CSNK2A1: variants seen among roughly 807,000 people sequenced by gnomAD.
CSNK2A1 encodes the protein casein kinase II subunit alpha.
In CSNK2A1, 10 loss-of-function variants were observed where a neutral mutation model predicts 62.9. The observed-to-expected ratio is 0.16, with a 90% CI of 0.10 to 0.27. The LOEUF (loss-of-function observed/expected upper bound fraction) is 0.27, where lower values mean the gene tolerates loss of function less well. Among genes scored for constraint, CSNK2A1 ranks in the 10% least tolerant of loss-of-function variants. The probability of loss-of-function intolerance (pLI) is 1.00; values close to 1 mark genes in which losing one functional copy is unlikely to be tolerated. For missense variants in CSNK2A1, 160 were observed against 492.0 expected, an observed-to-expected ratio of 0.33 and a Z score of 6.38; for synonymous variants, 124 against 167.8, an observed-to-expected ratio of 0.74 and a Z score of 2.02.
intron 2 of CSNK2A1, among the ~76,000 whole-genome samples, chr20:512,490 C>G (rs1568538206): frequency 6.6e-6 from 1 of 152,174 alleles, no homozygotes; most frequent in Admixed American, 6.5e-5. Context: ...AGCTACCACA[C>G]CCAAAGAGAA....
intron 2 of CSNK2A1, among the ~76,000 whole-genome samples, chr20:520,284 AAAT>A (rs1351683979): frequency 6.6e-6 from 1 of 152,184 alleles, no homozygotes; most frequent in Non-Finnish European, 1.5e-5. Context: ...CAATTCTGAA[AAAT>A]AATAAAGCTG....
At chr20:537,771 G>A (rs746609845) in intron 1 of CSNK2A1, among the ~76,000 whole-genome samples, 3 of 152,192 alleles carry the variant, frequency 2.0e-5, no homozygotes, top group Admixed American at 6.5e-5. Flanking sequence ...GGTTACCCAC[G>A]AATTGTGACA....
chr20:480,944 C>A lies in CSNK2A1; in HGVS notation c.*3017G>T, dbSNP rs2017944895. On this transcript the variant is annotated 3_prime_UTR_variant, in exon 14 of 14. Coordinates refer to ENST00000217244, the MANE Select transcript of CSNK2A1 (RefSeq NM_177559.3). ...AGCCATACCCTGAGGATCTACTTTACAAGATATATTCCTCTGACAGTCCCA... is the reference window on the plus strand; with the variant it reads ...AGCCATACCCTGAGGATCTACTTTAAAAGATATATTCCTCTGACAGTCCCA... 1 of 152,226 alleles carries A rather than the reference C, an allele frequency of 6.6e-6. No individual in the cohort carries two copies. The highest frequency in any genetic ancestry group is 2.1e-4 in the South Asian group (1 of 4,834). The allele number at this position is 152,226 out of a possible 1,614,324, so 9.4% of individuals were successfully genotyped here. A position where few individuals can be genotyped will look rare whatever the true frequency, so the allele number is the denominator to read the frequency against.
rs1179039130 is a variant in CSNK2A1, at chr20:473,231, C to T, written c.*10730G>A. 6.6e-6 allele frequency: 1 copy of T among 152,400 alleles called. No homozygotes were observed. The highest frequency in any genetic ancestry group is 2.4e-5 in the African/African-American group (1 of 41,446). 9.4% of individuals were successfully genotyped at this position (152,400 alleles called of 1,614,324 possible). ...CTTCTTCCCATACTCTTGTCTCTCT[C>T]CTGTAACATTTTTACTTCTAACTCA... On this transcript the variant is annotated 3_prime_UTR_variant, in exon 14 of 14. Transcript: ENST00000217244.
intron 13 of CSNK2A1, among the ~76,000 whole-genome samples, chr20:485,085 AAAAAAAAAAAAAAAAAAAAAAAAAAT>A (rs1248517178): frequency 5.6e-5 from 2 of 35,902 alleles, no homozygotes; most frequent in African/African-American, 2.0e-4. Context: ...AAAAAAAAAA[AAAAAAAAAAAAAAAAAAAAAAAAAAT>A]ATATATATAT....
intron 1 of CSNK2A1, among the ~76,000 whole-genome samples, chr20:535,034 C>CAAAAAAAAA (rs11469217): frequency 2.0e-5 from 1 of 50,756 alleles, no homozygotes; most frequent in East Asian, 6.5e-4. Context: ...TGCTATCTCC[C>CAAAAAAAAA]AAAAAAAAAA....
chr20:534,413 C>T (rs1050572127), intron 1 of CSNK2A1, among the ~76,000 whole-genome samples: 1 of 152,106 alleles, frequency 6.6e-6, no homozygotes, highest in Non-Finnish European at 1.5e-5. Context: ...ATGGGCTGGC[C>T]ACCAGGCCAC....
At chr20:531,739 T>C (rs1354458248) in intron 1 of CSNK2A1, among the ~76,000 whole-genome samples, 1 of 152,236 alleles carries the variant, frequency 6.6e-6, no homozygotes, top group African/African-American at 2.4e-5. Context: ...ATGCCATTCT[T>C]TCCTGAAGGA....
intron 1 of CSNK2A1, chr20:540,718 G>A (rs894981668): frequency 1.3e-5 from 2 of 152,056 alleles, no homozygotes; most frequent in Non-Finnish European, 2.9e-5. Flanking sequence ...TTCATTTTTA[G>A]GTAATAGTAC....
intron 2 of CSNK2A1, among the ~76,000 whole-genome samples, chr20:518,886 A>T (rs532620396): frequency 3.8e-4 from 57 of 151,628 alleles, no homozygotes; most frequent in South Asian, 1.5e-3. Context: ...ATGTCCTAGC[A>T]GATCTCAAAA....
At position 503,077 on chromosome 20, in the gene CSNK2A1, A is replaced by G. The variant is rs115024959; in HGVS notation, c.213+2041T>C. ...TTCTATCATATACCTTTCCATATGA[A>G]TATCACCATACAATCACAAAGAACT... is the stretch of plus-strand genomic sequence containing the variant. On this transcript the variant is annotated intron_variant, in intron 4 of 13. Transcript: ENST00000217244. The G allele has an allele frequency of 6.7e-3, 1,069 of 159,798 alleles. 12 individuals carry two copies. The highest frequency in any genetic ancestry group is 0.024 in the African/African-American group (1,006 of 41,980). 9.9% of individuals were successfully genotyped at this position (159,798 alleles called of 1,614,324 possible).
At chr20:542,528 G>A (rs183477430) in intron 1 of CSNK2A1, among the ~76,000 whole-genome samples, 85 of 152,308 alleles carry the variant, frequency 5.6e-4, no homozygotes, top group African/African-American at 1.6e-3. Context: ...CGCCTCCCAG[G>A]TTCAAGCGAT....
chr20:485,092 A>T lies in CSNK2A1; in HGVS notation c.1061-1016T>A, dbSNP rs2018050819. ...AAAAAAAAAAAAAAAAAAAAAAAAA[A>T]AAAAAAAAAAAAAAAAAATATATAT... On this transcript the variant is annotated intron_variant, in intron 13 of 13. Coordinates refer to ENST00000217244, the MANE Select transcript of CSNK2A1 (RefSeq NM_177559.3). Among the ~76,000 whole-genome samples, 8 of 44,546 alleles carry T rather than the reference A, an allele frequency of 1.8e-4. 1 individual carries two copies. The highest frequency in any genetic ancestry group is 5.3e-4 in the African/African-American group (7 of 13,152). The allele number at this position is 44,546 out of a possible 152,430, so 29.2% of individuals were successfully genotyped here.
rs2017837669 is a variant in CSNK2A1, at chr20:475,780, C to A, written c.*8181G>T. The A allele has an allele frequency of 6.6e-6, 1 of 152,178 alleles. No homozygotes were observed. Among genetic ancestry groups the A allele is most frequent in the African/African-American group, 2.4e-5 (1 of 41,436 alleles). The allele number at this position is 152,178 out of a possible 1,614,324, so 9.4% of individuals were successfully genotyped here. On this transcript the variant is annotated 3_prime_UTR_variant, in exon 14 of 14. Transcript: ENST00000217244. ...GGCTTGAAATGTGCTTGTGTGATTC[C>A]ATTTGGTCTCTTCTAAGTTTCTGTG...
rs1371662677 is a variant in CSNK2A1, at chr20:474,747, CTCT to C, written c.*9211_*9213del. On this transcript the variant is annotated 3_prime_UTR_variant, in exon 14 of 14. Coordinates refer to ENST00000217244, the MANE Select transcript of CSNK2A1 (RefSeq NM_177559.3). ...CACATGCCAGCATTTCCCATCACTC[CTCT>C]TTCCATTGTCATCATACTGTAATCC... 1 of 152,186 alleles carries C rather than the reference CTCT, an allele frequency of 6.6e-6. No individual in the cohort carries two copies. Among genetic ancestry groups the C allele is most frequent in the African/African-American group, 2.4e-5 (1 of 41,438 alleles). The allele number at this position is 152,186 out of a possible 1,614,324, so 9.4% of individuals were successfully genotyped here.
At chr20:505,657 T>C (rs1400148448) in intron 3 of CSNK2A1, among the ~76,000 whole-genome samples, 28 of 141,268 alleles carry the variant, frequency 2.0e-4, no homozygotes, top group South Asian at 9.5e-4. Context: ...CCACCGCGCC[T>C]GGCCCATTGT....
rs1279888264 is a variant in CSNK2A1, at chr20:486,458, A to T, written c.978T>A (p.Thr326=). The change falls in exon 13 of 14, where the codon ACT becomes ACA. Residue 326 remains threonine (T), a synonymous_variant. Coordinates refer to ENST00000217244, the MANE Select transcript of CSNK2A1 (RefSeq NM_177559.3). The stretch of plus-strand genomic sequence containing the variant: ...CCATTCGAGCCTGGTCCTTCACAAC[A>T]GTGTCTAGAAAAGAGACAAAAAGGC... ...REAMEHPYFY[T]VVKDQARMGS... 1.2e-6 allele frequency: 2 copies of T among 1,613,482 alleles called. No individual in the cohort carries two copies. The highest frequency in any genetic ancestry group is 1.7e-6 in the Non-Finnish European group (2 of 1,179,878).
At chr20:540,028 G>A (rs1028011274) in intron 1 of CSNK2A1, 1 of 152,272 alleles carries the variant, frequency 6.6e-6, no homozygotes, top group East Asian at 1.9e-4. Context: ...CAAAGCCTGG[G>A]AAAAATCCTC....
intron 2 of CSNK2A1, among the ~76,000 whole-genome samples, chr20:509,641 T>A (rs1479221405): frequency 6.6e-6 from 1 of 152,216 alleles, no homozygotes; most frequent in African/African-American, 2.4e-5. Context: ...AGTGGTGTGA[T>A]CATGGCTCAC....
Sources: gnomAD v4.1 joint callset for allele counts (sites outside exome capture counted in the v4.1 genomes callset) on GRCh38, gnomAD v4.1.1 for gene constraint, MANE v1.5 for transcripts, NCBI Gene and HGNC (gene_info 2026-07-23, HGNC 2026-07-21) for gene names.